WDR49: variants seen among roughly 807,000 people sequenced by gnomAD.
WDR49 encodes cilia- and flagella-associated protein 337.
Under a neutral mutation model 119.5 loss-of-function variants are expected in WDR49, and 107 were observed. The observed-to-expected ratio is 0.90, with a 90% CI of 0.77 to 1.05. The LOEUF is 1.05. WDR49 is among the 50% of genes least tolerant of loss of function. The pLI, the probability that WDR49 is intolerant of heterozygous loss-of-function variation, is 0.00. For synonymous variants in WDR49, 425 were observed against 418.8 expected, an observed-to-expected ratio of 1.01 and a Z score of -0.18; for missense variants, 1,240 against 1,220.5, an observed-to-expected ratio of 1.02 and a Z score of -0.24.
chr3:167,648,052 G>C (rs778785001), intron 2 of WDR49, among the ~76,000 whole-genome samples: 4 of 150,890 alleles, frequency 2.7e-5, no homozygotes, highest in Non-Finnish European at 5.9e-5. Context: ...CTTGTGGCCA[G>C]TGGAAATCAT....
chr3:167,651,547 A>AT (rs1470654970), intron 2 of WDR49, among the ~76,000 whole-genome samples: 1 of 151,666 alleles, frequency 6.6e-6, no homozygotes. Context: ...GTGCCATGGG[A>AT]TTATTCCATT....
chr3:167,541,596 C>T (rs1377532752), intron 10 of WDR49, among the ~76,000 whole-genome samples: 1 of 152,000 alleles, frequency 6.6e-6, no homozygotes, highest in East Asian at 1.9e-4. Flanking sequence ...CCTTAAAGCA[C>T]AAATCTCACA....
chr3:167,640,816 A>C (rs1717846722), intron 2 of WDR49, among the ~76,000 whole-genome samples: 2 of 151,756 alleles, frequency 1.3e-5, no homozygotes, highest in African/African-American at 4.8e-5. Flanking sequence ...GGTGGAAAGG[A>C]TGGGAGACTC....
intron 18 of WDR49, among the ~76,000 whole-genome samples, chr3:167,499,394 A>T (rs1413402450): frequency 2.0e-5 from 3 of 152,060 alleles, no homozygotes; most frequent in Admixed American, 6.6e-5. Context: ...TTTAATTCTG[A>T]TTTTTTCTGA....
At chr3:167,533,210 C>T (rs543682781) in intron 11 of WDR49, among the ~76,000 whole-genome samples, 11 of 152,192 alleles carry the variant, frequency 7.2e-5, no homozygotes, top group Admixed American at 6.5e-4. Context: ...ACTGTTGTTT[C>T]CTTTTATTTT....
intron 2 of WDR49, among the ~76,000 whole-genome samples, chr3:167,645,229 G>T (rs1053913235): frequency 4.0e-5 from 6 of 151,548 alleles, no homozygotes; most frequent in Middle Eastern, 3.2e-3. Flanking sequence ...TTTTAGTTTT[G>T]AGATTGAGTT....
At chr3:167,598,304 CA>C (rs112983257) in intron 7 of WDR49, among the ~76,000 whole-genome samples, 4,307 of 133,902 alleles carry the variant, frequency 0.032, 179 homozygotes, top group East Asian at 0.18. Flanking sequence ...GACTCCATCT[CA>C]AAAAAAAAAA....
chr3:167,630,192 T>C (rs1176428796), intron 2 of WDR49, among the ~76,000 whole-genome samples: 1 of 152,056 alleles, frequency 6.6e-6, no homozygotes, highest in African/African-American at 2.4e-5. Flanking sequence ...GCCACAGCCG[T>C]CTCAATCGTC....
At chr3:167,588,267 T>C (rs753244573) in intron 7 of WDR49, among the ~76,000 whole-genome samples, 1 of 152,202 alleles carries the variant, frequency 6.6e-6, no homozygotes, top group African/African-American at 2.4e-5. Context: ...ACCATGTTAT[T>C]GCAAGTGACA....
chr3:167,609,401 G>A (rs1716231099), intron 5 of WDR49, among the ~76,000 whole-genome samples: 1 of 152,054 alleles, frequency 6.6e-6, no homozygotes, highest in Non-Finnish European at 1.5e-5. Flanking sequence ...GGGAGAGAGA[G>A]CAGAGCAATT....
At chr3:167,564,945 C>T (rs1413847780) in intron 8 of WDR49, among the ~76,000 whole-genome samples, 1 of 151,748 alleles carries the variant, frequency 6.6e-6, no homozygotes, top group Non-Finnish European at 1.5e-5. Flanking sequence ...GCAGCAAATG[C>T]CACGAGCTAA....
intron 18 of WDR49, among the ~76,000 whole-genome samples, chr3:167,498,882 C>G (rs1051261845): frequency 6.6e-6 from 1 of 152,168 alleles, no homozygotes; most frequent in East Asian, 1.9e-4. Context: ...GTGGGGTAGA[C>G]AGCAGGAGAA....
chr3:167,535,396 C>T (rs1752985247), intron 11 of WDR49, among the ~76,000 whole-genome samples: 1 of 151,998 alleles, frequency 6.6e-6, no homozygotes, highest in South Asian at 2.1e-4. Flanking sequence ...AACAACTCTG[C>T]AACAAAGAAA....
In WDR49 at chr3:167,545,509, T is replaced by TATATATATATA. The variant is rs535132359; in HGVS notation, c.1824-8510_1824-8509insTATATATATAT. Among the ~76,000 whole-genome samples the TATATATATATA allele has an allele frequency of 6.8e-4, 74 of 108,262 alleles. 1 individual carries two copies. The highest frequency in any genetic ancestry group is 8.6e-4 in the Non-Finnish European group (42 of 48,686). The allele number at this position is 108,262 out of a possible 152,430, so 71.0% of individuals were successfully genotyped here. On this transcript the variant is annotated intron_variant, in intron 10 of 18. Transcript: ENST00000682715. ...CCATATATATATTATATATTATATA[T>TATATATATATA]TATATATATATATATGCACCCTGGA... is the stretch of plus-strand genomic sequence containing the variant.
intron 18 of WDR49, among the ~76,000 whole-genome samples, chr3:167,499,699 C>A (rs1255580445): frequency 6.6e-6 from 1 of 152,188 alleles, no homozygotes; most frequent in East Asian, 1.9e-4. Context: ...TCTCACCACA[C>A]CAGCCTACCA....
At chr3:167,635,502 G>A (rs1201102445) in intron 2 of WDR49, among the ~76,000 whole-genome samples, 2 of 151,548 alleles carry the variant, frequency 1.3e-5, no homozygotes, top group African/African-American at 4.8e-5. Flanking sequence ...TTATATTTTT[G>A]TGCCCTCTTT....
intron 18 of WDR49, among the ~76,000 whole-genome samples, chr3:167,480,072 A>C (rs1283729611): frequency 6.6e-6 from 1 of 151,944 alleles, no homozygotes; most frequent in Non-Finnish European, 1.5e-5. Context: ...CTCTACCAAA[A>C]ATACAAAAAA....
At chr3:167,514,435 C>A (rs1016412892) in intron 16 of WDR49, among the ~76,000 whole-genome samples, 5 of 152,094 alleles carry the variant, frequency 3.3e-5, no homozygotes, top group African/African-American at 1.2e-4. Flanking sequence ...GTACCAAAAT[C>A]CCTGGGACAC....
chr3:167,631,133 G>A (rs765776596), intron 2 of WDR49, among the ~76,000 whole-genome samples: 43 of 152,148 alleles, frequency 2.8e-4, no homozygotes, highest in Non-Finnish European at 5.4e-4. Flanking sequence ...GGGAGCTGGG[G>A]GAGGGATAGC....
Sources: allele counts gnomAD v4.1 joint callset (sites outside exome capture counted in the v4.1 genomes callset), GRCh38; gene constraint gnomAD v4.1.1; transcripts MANE v1.5; gene names NCBI Gene and HGNC (gene_info 2026-07-23, HGNC 2026-07-21).